Variants in DEPDC1B observed in about 807,000 individuals in gnomAD.
DEPDC1B encodes DEP domain-containing protein 1B.
In DEPDC1B, 51 loss-of-function variants were observed where a neutral mutation model predicts 66.5. That is an observed-to-expected ratio of 0.77 (90% confidence interval 0.61 to 0.97). DEPDC1B has a LOEUF of 0.97. Ranked by LOEUF, DEPDC1B falls within the 50% of genes least tolerant of loss-of-function variation. The probability of loss-of-function intolerance (pLI) is 0.00; values close to 1 mark genes in which losing one functional copy is unlikely to be tolerated. For missense variants in DEPDC1B, 552 were observed against 637.1 expected, an observed-to-expected ratio of 0.87 and a Z score of 1.44; for synonymous variants, 226 against 223.6, an observed-to-expected ratio of 1.01 and a Z score of -0.10.
intron 2 of DEPDC1B, among the ~76,000 whole-genome samples, chr5:60,651,185 GAT>G (rs1260165058): frequency 6.6e-6 from 1 of 152,138 alleles, no homozygotes; most frequent in African/African-American, 2.4e-5. Context: ...AGCCGCAGCT[GAT>G]GCCCACCTAA....
At chr5:60,606,207 A>G (rs1752306054) in intron 7 of DEPDC1B, among the ~76,000 whole-genome samples, 1 of 152,144 alleles carries the variant, frequency 6.6e-6, no homozygotes, top group African/African-American at 2.4e-5. Context: ...CCAAAATAGC[A>G]AGAACGTGAA....
intron 2 of DEPDC1B, among the ~76,000 whole-genome samples, chr5:60,648,928 G>A (rs1278813174): frequency 6.6e-6 from 1 of 152,106 alleles, no homozygotes; most frequent in Non-Finnish European, 1.5e-5. Flanking sequence ...CCCATTTCCA[G>A]ACAAAGTACA....
chr5:60,636,402 T>C (rs1364544767), intron 7 of DEPDC1B, among the ~76,000 whole-genome samples: 1 of 152,158 alleles, frequency 6.6e-6, no homozygotes, highest in African/African-American at 2.4e-5. Context: ...GGAAGAAACC[T>C]CAAAAGAAGT....
chr5:60,607,000 G>A (rs1242535629), intron 7 of DEPDC1B, among the ~76,000 whole-genome samples: 2 of 152,130 alleles, frequency 1.3e-5, no homozygotes, highest in African/African-American at 4.8e-5. Context: ...TACAAGAACT[G>A]CGCTAGATCC....
intron 7 of DEPDC1B, among the ~76,000 whole-genome samples, chr5:60,638,318 A>ATAC (rs1753106918): frequency 6.6e-6 from 1 of 152,200 alleles, no homozygotes; most frequent in African/African-American, 2.4e-5. Flanking sequence ...AAATTACAAA[A>ATAC]TACTACAAAA....
chr5:60,623,203 T>A (rs1752745385), intron 7 of DEPDC1B, among the ~76,000 whole-genome samples: 1 of 152,200 alleles, frequency 6.6e-6, no homozygotes, highest in South Asian at 2.1e-4. Context: ...TTTTCCATAA[T>A]AGATATCCAG....
chr5:60,605,590 A>T, intron 8 of DEPDC1B, 100 bp downstream of exon 8: 1 of 1,326,138 alleles, frequency 7.5e-7, no homozygotes, highest in East Asian at 2.4e-5. Flanking sequence ...TCTTTTAAGC[A>T]AGTCTGCTTT....
At chr5:60,660,058 G>A (rs985616332) in intron 2 of DEPDC1B, among the ~76,000 whole-genome samples, 1 of 152,114 alleles carries the variant, frequency 6.6e-6, no homozygotes, top group Non-Finnish European at 1.5e-5. Flanking sequence ...GTAAATTACA[G>A]GGAGGCGCGT....
intron 7 of DEPDC1B, among the ~76,000 whole-genome samples, chr5:60,612,700 G>A (rs145889595): frequency 0.011 from 1,471 of 130,460 alleles, 12 homozygotes; most frequent in South Asian, 0.036. Context: ...CTTTCAAATG[G>A]TTCAGAAAAA....
intron 3 of DEPDC1B, 122 bp from the exon 4 acceptor site, chr5:60,645,741 C>T: frequency 9.6e-7 from 1 of 1,042,234 alleles, no homozygotes; most frequent in Non-Finnish European, 1.3e-6. Flanking sequence ...TTACTTGTAA[C>T]TTGATTTAAA....
chr5:60,698,681 T>TG (rs1754708744), intron 1 of DEPDC1B, among the ~76,000 whole-genome samples: 1 of 151,866 alleles, frequency 6.6e-6, no homozygotes, highest in South Asian at 2.1e-4. Context: ...TTTTTTTTTT[T>TG]TTTGAGATGG....
At chr5:60,619,967 G>A (rs1752663793) in intron 7 of DEPDC1B, among the ~76,000 whole-genome samples, 1 of 152,042 alleles carries the variant, frequency 6.6e-6, no homozygotes, top group African/African-American at 2.4e-5. Context: ...ACAGAACAGA[G>A]CCCTCAGAAA....
At position 60,678,398 on chromosome 5, in the gene DEPDC1B, T is replaced by C. The variant is rs973286853; in HGVS notation, c.314+8564A>G. On this transcript the variant is annotated intron_variant, in intron 2 of 10. Coordinates refer to ENST00000265036, the MANE Select transcript of DEPDC1B (RefSeq NM_018369.3). ...ACTTAACGAGTTTTTGTGTAAACAT[T>C]GTTTTTGTCTCTCTAGGATAAATAC... Among the ~76,000 whole-genome samples the C allele has an allele frequency of 2.6e-5, 4 of 152,336 alleles. 1 individual carries two copies. Among genetic ancestry groups the C allele is most frequent in the Admixed American group, 6.5e-5 (1 of 15,304 alleles).
intron 7 of DEPDC1B, among the ~76,000 whole-genome samples, chr5:60,616,410 C>T (rs911240719): frequency 5.9e-5 from 9 of 152,128 alleles, no homozygotes; most frequent in East Asian, 1.9e-4. Context: ...ATCAGACGAA[C>T]GGCTAACTAG....
intron 1 of DEPDC1B, among the ~76,000 whole-genome samples, chr5:60,699,504 C>T (rs1243824854): frequency 1.4e-5 from 2 of 140,866 alleles, no homozygotes; most frequent in Non-Finnish European, 1.5e-5. Context: ...AAACATCTGT[C>T]CTGGCCAGCT....
Position 60,644,862 on chromosome 5 carries a change from G to GAA in DEPDC1B, c.590_591dup (p.Leu198PhefsTer7). On this transcript the variant is annotated frameshift_variant, in exon 5 of 11. Coordinates refer to ENST00000265036, the MANE Select transcript of DEPDC1B (RefSeq NM_018369.3). LOFTEE classifies it high-confidence loss of function. Reference sequence around the variant, plus strand: ...ACTTCTTCTAAGGAATCCAGGCCAAGAATTTTCTGTAAGCTAAAAGATAAG... The same window carrying GAA: ...ACTTCTTCTAAGGAATCCAGGCCAAGAAAATTTTCTGTAAGCTAAAAGATAAG... The GAA allele has an allele frequency of 6.2e-7, 1 of 1,602,012 alleles. No homozygotes were observed. Among genetic ancestry groups the GAA allele is most frequent in the Non-Finnish European group, 8.5e-7 (1 of 1,174,528 alleles).
chr5:60,620,374 T>A (rs950309212), intron 7 of DEPDC1B, among the ~76,000 whole-genome samples: 1 of 151,944 alleles, frequency 6.6e-6, no homozygotes, highest in Non-Finnish European at 1.5e-5. Context: ...GGGAGAAAAT[T>A]TTCACAATCT....
intron 7 of DEPDC1B, among the ~76,000 whole-genome samples, chr5:60,621,096 A>T (rs1380948600): frequency 6.6e-6 from 1 of 151,962 alleles, no homozygotes; most frequent in East Asian, 1.9e-4. Context: ...CAATGAGAAC[A>T]CATTGACACA....
At chr5:60,693,315 G>A (rs1205284498) in intron 1 of DEPDC1B, among the ~76,000 whole-genome samples, 2 of 152,038 alleles carry the variant, frequency 1.3e-5, no homozygotes, top group African/African-American at 2.4e-5. Context: ...CCAAGTGAGT[G>A]GATGAAGGAG....
Sources: gnomAD v4.1 joint callset for allele counts (sites outside exome capture counted in the v4.1 genomes callset) on GRCh38, gnomAD v4.1.1 for gene constraint, MANE v1.5 for transcripts, NCBI Gene and HGNC (gene_info 2026-07-23, HGNC 2026-07-21) for gene names.